The following LSM8 variants were observed in gnomAD, a reference collection of about 807,000 sequenced individuals.
LSM8 encodes the protein LSM8 U6 small nuclear RNA associated.
A neutral mutation model predicts 15.0 loss-of-function variants in LSM8; 14 were observed. The ratio of observed to expected loss-of-function variants is 0.93; its 90% CI spans 0.62 to 1.46. LSM8 has a LOEUF of 1.46. LSM8 is among the 40% of genes most tolerant of loss of function. LSM8 has a pLI of 0.00. For missense variants in LSM8, 90 were observed against 115.4 expected (o/e 0.78, Z 1.01); for synonymous variants, 50 against 42.1 (o/e 1.19, Z -0.73).
Position 118,196,896 on chromosome 7 carries a change from A to AT in LSM8, c.*4901dup, listed in dbSNP as rs35589207. ...AGGCACGCGCCACCACACCTGGCTA[A>AT]TTTTTTTGTTTTAGTAGAGACGGGG... is the stretch of plus-strand genomic sequence containing the variant. On this transcript the variant is annotated 3_prime_UTR_variant, in exon 4 of 4. Transcript: ENST00000249299. Among the ~76,000 whole-genome samples the AT allele has an allele frequency of 6.6e-6, 1 of 151,528 alleles. No homozygotes were observed. Among genetic ancestry groups the AT allele is most frequent in the African/African-American group, 2.4e-5 (1 of 41,218 alleles).
In LSM8 at chr7:118,196,267, A is replaced by G. The variant is rs1459029398; in HGVS notation, c.*4265A>G. Among the ~76,000 whole-genome samples, 1 of 152,156 alleles carries G rather than the reference A, an allele frequency of 6.6e-6. No homozygotes were observed. The highest frequency in any genetic ancestry group is 1.5e-5 in the Non-Finnish European group (1 of 68,026). On this transcript the variant is annotated 3_prime_UTR_variant, in exon 4 of 4. Coordinates refer to ENST00000249299, the MANE Select transcript of LSM8 (RefSeq NM_016200.5). The stretch of plus-strand genomic sequence containing the variant: ...CCTCAACCAAATCATCTTGACTCAG[A>G]TTTACTGTCGAAGGTCGTGTTATTT...
rs1013455351 is a variant in LSM8, at chr7:118,198,497, ACTG to A, written c.*6496_*6498del. 9.9e-5 allele frequency among the ~76,000 whole-genome samples: 15 copies of A among 152,268 alleles called. No homozygotes were observed. The highest frequency in any genetic ancestry group is 2.9e-4 in the African/African-American group (12 of 41,556). On this transcript the variant is annotated 3_prime_UTR_variant, in exon 4 of 4. Transcript: ENST00000249299. ...GTAACAGAGATGACATGCCCGGTAA[ACTG>A]GTGTTTGAAGGCAATATATAAAAGC...
chr7:118,191,911 G>A lies in LSM8; in HGVS notation c.201-1G>A. The A allele has an allele frequency of 1.9e-6, 3 of 1,605,430 alleles. No homozygotes were observed. The highest frequency in any genetic ancestry group is 2.6e-6 in the Non-Finnish European group (3 of 1,174,354). ...GATTGTTTTAACTCTGACTTTTTTAGTGCAGTCATTGGAGAAATCGATGAA... is the reference window on the plus strand; with the variant it reads ...GATTGTTTTAACTCTGACTTTTTTAATGCAGTCATTGGAGAAATCGATGAA... On this transcript the variant is annotated splice_acceptor_variant, in intron 3 of 3. Transcript: ENST00000249299. LOFTEE classifies it high-confidence loss of function.
At position 118,194,906 on chromosome 7, in the gene LSM8, A is replaced by C. The variant is rs114234946; in HGVS notation, c.*2904A>C. On this transcript the variant is annotated 3_prime_UTR_variant, in exon 4 of 4. Coordinates refer to ENST00000249299, the MANE Select transcript of LSM8 (RefSeq NM_016200.5). Reference sequence around the variant, plus strand: ...TTTATATATGGGAAAATTGAGGCTCAGCAGGGTCAAGTGACTTGTAAGAGG... The same window carrying C: ...TTTATATATGGGAAAATTGAGGCTCCGCAGGGTCAAGTGACTTGTAAGAGG... Among the ~76,000 whole-genome samples, 771 of 152,264 alleles carry C rather than the reference A, an allele frequency of 5.1e-3. 6 individuals carry two copies. The highest frequency in any genetic ancestry group is 0.017 in the African/African-American group (711 of 41,558).
chr7:118,188,048 A>G (rs1041215590), intron 2 of LSM8, among the ~76,000 whole-genome samples: 6 of 152,066 alleles, frequency 3.9e-5, no homozygotes, highest in Non-Finnish European at 8.8e-5. Context: ...ACTGCTGTCA[A>G]CTCTACATAT....
At position 118,191,931 on chromosome 7, in the gene LSM8, G is replaced by A. The variant is rs201785919; in HGVS notation, c.220G>A (p.Asp74Asn). Residue 74 changes from aspartate to asparagine, a missense_variant, in exon 4 of 4, where the codon GAT becomes AAT. Coordinates refer to ENST00000249299, the MANE Select transcript of LSM8 (RefSeq NM_016200.5). The stretch of plus-strand genomic sequence containing the variant: ...TTTTAGTGCAGTCATTGGAGAAATC[G>A]ATGAAGAAACAGATTCTGCGCTTGA... ...GDNVAVIGEI[D>N]EETDSALDLG... 3.1e-5 allele frequency: 50 copies of A among 1,612,258 alleles called. No homozygotes were observed. Among genetic ancestry groups the A allele is most frequent in the Non-Finnish European group, 3.9e-5 (46 of 1,178,996 alleles).
chr7:118,190,692 T>C (rs1808963470), intron 3 of LSM8: 1 of 152,234 alleles, frequency 6.6e-6, no homozygotes, highest in African/African-American at 2.4e-5. Context: ...AATTGAGGCC[T>C]TTAGTTTGAG....
intron 3 of LSM8, chr7:118,190,335 T>A (rs1808957719): frequency 6.6e-6 from 1 of 152,234 alleles, no homozygotes; most frequent in Non-Finnish European, 1.5e-5. Flanking sequence ...ATTGGAGCTG[T>A]GCATAGTAAT....
chr7:118,191,825 C>G, intron 3 of LSM8, 87 bp from the exon 4 acceptor site: 1 of 979,104 alleles, frequency 1.0e-6, no homozygotes. Flanking sequence ...AAGAATGGTA[C>G]TCAGTGCTTT....
Position 118,197,279 on chromosome 7 carries a change from G to A in LSM8, c.*5277G>A, listed in dbSNP as rs930367854. 6.6e-6 allele frequency among the ~76,000 whole-genome samples: 1 copy of A among 150,672 alleles called. No homozygotes were observed. The highest frequency in any genetic ancestry group is 6.6e-5 in the Admixed American group (1 of 15,132). On this transcript the variant is annotated 3_prime_UTR_variant, in exon 4 of 4. Transcript: ENST00000249299. ...CAAATTGTTATTACATTTGAAATAC[G>A]TTAAAAAGAATCCAGGAGTCAGGGT...
At position 118,196,820 on chromosome 7, in the gene LSM8, C is replaced by A. The variant is rs1809087556; in HGVS notation, c.*4818C>A. ...TCTTGGCTCACTACAACCTCCGCAT[C>A]CTGGGTTCAAGCGATTCCCCTGCCT... On this transcript the variant is annotated 3_prime_UTR_variant, in exon 4 of 4. Coordinates refer to ENST00000249299, the MANE Select transcript of LSM8 (RefSeq NM_016200.5). 6.6e-6 allele frequency among the ~76,000 whole-genome samples: 1 copy of A among 151,676 alleles called. No homozygotes were observed. Among genetic ancestry groups the A allele is most frequent in the South Asian group, 2.1e-4 (1 of 4,816 alleles).
chr7:118,187,806 G>GA (rs2115914895), intron 2 of LSM8, among the ~76,000 whole-genome samples: 2 of 152,292 alleles, frequency 1.3e-5, no homozygotes, highest in African/African-American at 4.8e-5. Flanking sequence ...GATGAGTTGA[G>GA]AAAATGTGTA....
Position 118,202,434 on chromosome 7 carries a change from G to C in LSM8, c.*10432G>C, listed in dbSNP as rs917059716. 2.0e-5 allele frequency among the ~76,000 whole-genome samples: 3 copies of C among 151,916 alleles called. No individual in the cohort carries two copies. The highest frequency in any genetic ancestry group is 2.0e-4 in the Admixed American group (3 of 15,220). On this transcript the variant is annotated 3_prime_UTR_variant, in exon 4 of 4. Coordinates refer to ENST00000249299, the MANE Select transcript of LSM8 (RefSeq NM_016200.5). ...GTACCCAGGCCACTATTTTCTCTTTGCCATCCTTTTGTTCTAATAATTTGC... is the reference window on the plus strand; with the variant it reads ...GTACCCAGGCCACTATTTTCTCTTTCCCATCCTTTTGTTCTAATAATTTGC...
chr7:118,190,013 C>A (rs926272842), intron 3 of LSM8: 4 of 152,110 alleles, frequency 2.6e-5, no homozygotes, highest in Non-Finnish European at 5.9e-5. Flanking sequence ...GAGTACTACA[C>A]TGAATCAAAA....
rs1443778064 is a variant in LSM8, at chr7:118,193,970, A to G, written c.*1968A>G. ...TTGGAAAAAGCATTCCCAAAATGTG[A>G]ATTATTGTTTTTATGAATAGTTACA... is the stretch of plus-strand genomic sequence containing the variant. On this transcript the variant is annotated 3_prime_UTR_variant, in exon 4 of 4. Transcript: ENST00000249299. 6.6e-6 allele frequency among the ~76,000 whole-genome samples: 1 copy of G among 152,068 alleles called. No individual in the cohort carries two copies. Among genetic ancestry groups the G allele is most frequent in the East Asian group, 1.9e-4 (1 of 5,186 alleles).
At position 118,194,211 on chromosome 7, in the gene LSM8, TA is replaced by T. The variant is rs201918290; in HGVS notation, c.*2212del. Among the ~76,000 whole-genome samples, 2,801 of 152,200 alleles carry T rather than the reference TA, an allele frequency of 0.018. 42 individuals are homozygous for T. Among genetic ancestry groups the T allele is most frequent in the East Asian group, 0.077 (398 of 5,178 alleles). The stretch of plus-strand genomic sequence containing the variant: ...TTATTCTATAATCAGTTCTTATTTA[TA>T]AAGAGGCGCAAATCAATTTCAACCT... On this transcript the variant is annotated 3_prime_UTR_variant, in exon 4 of 4. Coordinates refer to ENST00000249299, the MANE Select transcript of LSM8 (RefSeq NM_016200.5).
rs1809194265 is a variant in LSM8 at position 118,203,016 on chromosome 7, GC to G, written c.*11016del. ...TCCCTATCAGTCTTTAAAAACTGTAGCCTTAAATCAGTAGGGATATAGAAGA... is the reference window on the plus strand; with the variant it reads ...TCCCTATCAGTCTTTAAAAACTGTAGCTTAAATCAGTAGGGATATAGAAGA... On this transcript the variant is annotated 3_prime_UTR_variant, in exon 4 of 4. Coordinates refer to ENST00000249299, the MANE Select transcript of LSM8 (RefSeq NM_016200.5). 6.6e-6 allele frequency among the ~76,000 whole-genome samples: 1 copy of G among 151,812 alleles called. No individual in the cohort carries two copies. The highest frequency in any genetic ancestry group is 1.5e-5 in the Non-Finnish European group (1 of 67,888).
Position 118,196,818 on chromosome 7 carries a change from A to G in LSM8, c.*4816A>G, listed in dbSNP as rs6973741. ...AATCTTGGCTCACTACAACCTCCGC[A>G]TCCTGGGTTCAAGCGATTCCCCTGC... On this transcript the variant is annotated 3_prime_UTR_variant, in exon 4 of 4. Coordinates refer to ENST00000249299, the MANE Select transcript of LSM8 (RefSeq NM_016200.5). Among the ~76,000 whole-genome samples the G allele has an allele frequency of 0.15, 22,552 of 150,882 alleles. 3,143 individuals are homozygous for G. Among genetic ancestry groups the G allele is most frequent in the African/African-American group, 0.35 (14,438 of 40,978 alleles).
Position 118,203,091 on chromosome 7 carries a change from G to A in LSM8, c.*11089G>A, listed in dbSNP as rs564775245. Reference sequence around the variant, plus strand: ...TTGACCTAACTGCCATTTATAGAACGTTCTATCCCAAGACATCAGAATATA... The same window carrying A: ...TTGACCTAACTGCCATTTATAGAACATTCTATCCCAAGACATCAGAATATA... On this transcript the variant is annotated 3_prime_UTR_variant, in exon 4 of 4. Coordinates refer to ENST00000249299, the MANE Select transcript of LSM8 (RefSeq NM_016200.5). Among the ~76,000 whole-genome samples, 2 of 151,922 alleles carry A rather than the reference G, an allele frequency of 1.3e-5. No individual in the cohort carries two copies. The highest frequency in any genetic ancestry group is 1.9e-4 in the East Asian group (1 of 5,178).
Sources: allele counts gnomAD v4.1 joint callset (sites outside exome capture counted in the v4.1 genomes callset), GRCh38; gene constraint gnomAD v4.1.1; transcripts MANE v1.5; gene names NCBI Gene and HGNC (gene_info 2026-07-23, HGNC 2026-07-21).